SCP2: variants seen among roughly 807,000 people sequenced by gnomAD.
SCP2 encodes the protein sterol carrier protein 2, also known as SCP-2/3-oxoacyl-CoA thiolase.
In SCP2, 48 loss-of-function variants were observed where a neutral mutation model predicts 71.4. The ratio of observed to expected loss-of-function variants is 0.67; its 90% confidence interval spans 0.53 to 0.86. The LOEUF (loss-of-function observed/expected upper bound fraction) is 0.86, where lower values mean the gene tolerates loss of function less well. SCP2 is among the 40% of genes least tolerant of loss of function. The pLI, the probability that SCP2 is intolerant of heterozygous loss-of-function variation, is 0.00. For synonymous variants in SCP2, 220 were observed against 218.1 expected (o/e 1.01, Z -0.08); for missense variants, 560 against 655.6 (o/e 0.85, Z 1.59).
At chr1:53,039,185 G>A in intron 14 of SCP2, 139 bp downstream of exon 14, 2 of 1,090,446 alleles carry the variant, frequency 1.8e-6, no homozygotes, top group African/African-American at 1.6e-5. Context: ...CCAGGGAACA[G>A]GAACAGGTCA....
At chr1:53,047,979 T>G in intron 15 of SCP2, 42 bp downstream of exon 15, 1 of 1,328,556 alleles carries the variant, frequency 7.5e-7, no homozygotes, top group Non-Finnish European at 1.1e-6. Context: ...AGGTAGGTCT[T>G]TCAGCCCTTT....
Position 52,948,059 on chromosome 1 carries a change from G to A in SCP2, c.178G>A (p.Ala60Thr). Reference sequence around the variant, plus strand: ...GATCCCTTATTCAGCAGTGGACCAGGCATGTGTTGGCTATGTTTTTGGTAT... The same window carrying A: ...GATCCCTTATTCAGCAGTGGACCAGACATGTGTTGGCTATGTTTTTGGTAT... ...AQIPYSAVDQ[A>T]CVGYVFGDST... Residue 60 changes from alanine to threonine, a missense_variant, in exon 3 of 16, where the codon GCA becomes ACA. Ala to Thr is a moderately conservative substitution (Grantham distance 58). Around this residue, in one of 3 missense-constraint regions of SCP2, gnomAD observed 513 missense variants for 573.1 expected, o/e 0.90. Transcript: ENST00000371514. The A allele has an allele frequency of 4.3e-6, 7 of 1,612,224 alleles. No homozygotes were observed. Among genetic ancestry groups the A allele is most frequent in the Non-Finnish European group, 5.9e-6 (7 of 1,178,348 alleles).
At position 53,038,986 on chromosome 1, in the gene SCP2, A is replaced by G. The variant is rs762684617; in HGVS notation, c.1408A>G (p.Lys470Glu). The G allele has an allele frequency of 1.9e-6, 3 of 1,614,010 alleles. No homozygotes were observed. The highest frequency in any genetic ancestry group is 8.5e-7 in the Non-Finnish European group (1 of 1,179,972). The change falls in exon 14 of 16, where the codon AAA (lysine) becomes GAA (glutamate). Residue 470 changes from lysine to glutamate, a missense_variant. Coordinates refer to ENST00000371514, the MANE Select transcript of SCP2 (RefSeq NM_002979.5). ...CAAGGTGAAAGATGGCCCTGGGGGT[A>G]AAGAGGCCACCTGGGTGGTGGATGT... ...AFKVKDGPGG[K>E]EATWVVDVKN... is the part of the protein sequence containing the mutation.
At chr1:52,954,254 C>T (rs559809073) in intron 4 of SCP2, among the ~76,000 whole-genome samples, 1 of 149,856 alleles carries the variant, frequency 6.7e-6, no homozygotes, top group East Asian at 2.0e-4. Flanking sequence ...GTTGAAGCTG[C>T]AGTGAGCTGT....
chr1:53,031,017 T>G (rs955622837), intron 13 of SCP2, among the ~76,000 whole-genome samples: 3 of 152,152 alleles, frequency 2.0e-5, no homozygotes, highest in Middle Eastern at 3.4e-3. Flanking sequence ...AGTTGCACTC[T>G]ATAAAGTCTC....
intron 5 of SCP2, among the ~76,000 whole-genome samples, chr1:52,960,484 G>C (rs200098542): frequency 4.8e-5 from 2 of 41,788 alleles, no homozygotes; most frequent in South Asian, 1.1e-3. Context: ...ATGTATATGT[G>C]TGTGTGTGTG....
intron 6 of SCP2, among the ~76,000 whole-genome samples, chr1:52,972,718 T>C (rs556710889): frequency 3.5e-4 from 53 of 152,354 alleles, no homozygotes; most frequent in African/African-American, 1.2e-3. Context: ...TTTTGTCTTC[T>C]GAGAATGACA....
In SCP2 at chr1:53,014,082, T is replaced by A. The variant is rs575865327; in HGVS notation, c.1082-808T>A. Among the ~76,000 whole-genome samples, 3 of 148,336 alleles carry A rather than the reference T, an allele frequency of 2.0e-5. No homozygotes were observed. In the East Asian group the frequency reaches 6.0e-4, roughly 30 times the overall value. On this transcript the variant is annotated intron_variant, in intron 11 of 15. Coordinates refer to ENST00000371514, the MANE Select transcript of SCP2 (RefSeq NM_002979.5). ...GGCTAATTTTTTTTTTTTTTTTGTATTTTTAGTAGAGACGGGGTTTCACCG... is the reference window on the plus strand; with the variant it reads ...GGCTAATTTTTTTTTTTTTTTTGTAATTTTAGTAGAGACGGGGTTTCACCG...
At chr1:53,015,419 G>A (rs995129148) in intron 12 of SCP2, among the ~76,000 whole-genome samples, 9 of 152,104 alleles carry the variant, frequency 5.9e-5, no homozygotes, top group Non-Finnish European at 1.3e-4. Flanking sequence ...TTGTATTTCC[G>A]AGTCCAGCTA....
intron 11 of SCP2, 53 bp from the exon 12 acceptor site, chr1:53,014,837 T>A: frequency 6.2e-7 from 1 of 1,602,478 alleles, no homozygotes; most frequent in Non-Finnish European, 8.5e-7. Flanking sequence ...ATCCCTTTTC[T>A]GGCTTGAGAA....
intron 6 of SCP2, among the ~76,000 whole-genome samples, chr1:52,967,342 T>G (rs1209501941): frequency 6.6e-6 from 1 of 152,120 alleles, no homozygotes; most frequent in Non-Finnish European, 1.5e-5. Context: ...TTTTTTTTAA[T>G]GTTTAAACAT....
chr1:52,983,595 A>T (rs1210896920), intron 10 of SCP2, among the ~76,000 whole-genome samples: 1 of 152,134 alleles, frequency 6.6e-6, no homozygotes, highest in Non-Finnish European at 1.5e-5. Context: ...CTTTCTACTC[A>T]TGAACCATTC....
At chr1:52,998,059 A>T (rs1660054635) in intron 11 of SCP2, among the ~76,000 whole-genome samples, 1 of 152,182 alleles carries the variant, frequency 6.6e-6, no homozygotes, top group Non-Finnish European at 1.5e-5. Flanking sequence ...AAATTAATAC[A>T]AGTTTTTCTT....
intron 11 of SCP2, among the ~76,000 whole-genome samples, chr1:52,996,369 A>G (rs1659940379): frequency 6.6e-6 from 1 of 152,156 alleles, no homozygotes; most frequent in Non-Finnish European, 1.5e-5. Context: ...TTGAAAGCCC[A>G]TGTGGATAAT....
chr1:52,943,150 A>G (rs1654428171), intron 2 of SCP2, among the ~76,000 whole-genome samples: 1 of 152,074 alleles, frequency 6.6e-6, no homozygotes, highest in African/African-American at 2.4e-5. Context: ...AAAAAAATCT[A>G]ATGTTCAGAA....
At chr1:53,035,346 A>G (rs1160774177) in intron 13 of SCP2, among the ~76,000 whole-genome samples, 1 of 152,178 alleles carries the variant, frequency 6.6e-6, no homozygotes, top group Non-Finnish European at 1.5e-5. Flanking sequence ...ACAATATAAA[A>G]TACCTAAGAA....
chr1:53,040,801 A>AT (rs1191768827), intron 14 of SCP2, among the ~76,000 whole-genome samples: 1 of 152,040 alleles, frequency 6.6e-6, no homozygotes, highest in Non-Finnish European at 1.5e-5. Flanking sequence ...ACTTATTACC[A>AT]TCTCATATAC....
chr1:52,987,174 G>A lies in SCP2; in HGVS notation c.974-855G>A, dbSNP rs192272047. On this transcript the variant is annotated intron_variant, in intron 10 of 15. Coordinates refer to ENST00000371514, the MANE Select transcript of SCP2 (RefSeq NM_002979.5). Reference sequence around the variant, plus strand: ...GATCTACCTGCCTCGGCCTCCCAAAGTTCTGGGATTACAGGCATCAGCCAT... The same window carrying A: ...GATCTACCTGCCTCGGCCTCCCAAAATTCTGGGATTACAGGCATCAGCCAT... 2.4e-3 allele frequency among the ~76,000 whole-genome samples: 369 copies of A among 151,948 alleles called. 1 individual carries two copies. Among genetic ancestry groups the A allele is most frequent in the Middle Eastern group, 0.017 (5 of 294 alleles).
chr1:52,958,300 G>A (rs764693986), intron 5 of SCP2, among the ~76,000 whole-genome samples: 5 of 148,892 alleles, frequency 3.4e-5, no homozygotes, highest in African/African-American at 5.0e-5. Context: ...GCACAATCTT[G>A]GCTCACTGCA....
Sources: gnomAD v4.1 joint callset for allele counts (sites outside exome capture counted in the v4.1 genomes callset) on GRCh38, gnomAD v4.1.1 for gene constraint, gnomAD v4.1.1 regional missense constraint, MANE v1.5 for transcripts, NCBI Gene and HGNC (gene_info 2026-07-23, HGNC 2026-07-21) for gene names.